FUCA2: variants seen among roughly 807,000 people sequenced by gnomAD.
FUCA2 encodes alpha-L-fucosidase 2, also known as plasma alpha-L-fucosidase.
FUCA2 carries 41 observed loss-of-function variants against 52.6 expected under a neutral mutation model. The observed-to-expected ratio is 0.78, with a 90% CI of 0.61 to 1.01. The LOEUF is 1.01. Ranked by LOEUF, FUCA2 falls within the 50% of genes least tolerant of loss-of-function variation. The probability of loss-of-function intolerance (pLI) is 0.00; values close to 1 mark genes in which losing one functional copy is unlikely to be tolerated. For missense variants in FUCA2, 507 were observed against 569.5 expected, an observed-to-expected ratio of 0.89 and a Z score of 1.12; for synonymous variants, 211 against 217.3, an observed-to-expected ratio of 0.97 and a Z score of 0.26.
Position 143,502,035 on chromosome 6 carries a change from C to T in FUCA2, c.1051G>A (p.Glu351Lys). Residue 351 changes from glutamate (E) to lysine (K), a missense_variant, in exon 5 of 7, where the codon GAG (glutamate) becomes AAG (lysine). Physicochemically the swap from Glu to Lys is moderately conservative, Grantham distance 56. Coordinates refer to ENST00000002165, the MANE Select transcript of FUCA2 (RefSeq NM_032020.5). This position sits in a 1 kb window ranked among gnomAD's most constrained non-coding sequence, Gnocchi z 4.1. ...LDGTISVVFE[E>K]RLRQMGSWLK... is the part of the protein sequence containing the mutation. ...CAGGACCCCATTTGCCTCAGTCGCT[C>T]CTCAAAAACTACAGAAATGGTGCCA... is the stretch of plus-strand genomic sequence containing the variant. The T allele has an allele frequency of 1.2e-6, 2 of 1,613,808 alleles. No homozygotes were observed. The highest frequency in any genetic ancestry group is 1.7e-6 in the Non-Finnish European group (2 of 1,179,944).
rs982393559 is a variant in FUCA2 at position 143,504,476 on chromosome 6, G to T, written c.413-224C>A. 10 of 528,350 alleles carry T rather than the reference G, an allele frequency of 1.9e-5. No homozygotes were observed. In the Admixed American group the frequency reaches 3.0e-4, roughly 16 times the overall value. The allele number at this position is 528,350 out of a possible 1,614,324, so 32.7% of individuals were successfully genotyped here. A position where few individuals can be genotyped will look rare whatever the true frequency, so the allele number is the denominator to read the frequency against. On this transcript the variant is annotated intron_variant, in intron 2 of 6. Transcript: ENST00000002165. This position sits in a 1 kb window ranked among gnomAD's most constrained non-coding sequence, Gnocchi z 4.4. ...CAGGTTTTTAAAAGCAACTTTCAGG[G>T]TATATCACTGTACGGTCTGATCTAT...
chr6:143,496,496 A>T (rs1780461989), intron 6 of FUCA2: 1 of 152,150 alleles, frequency 6.6e-6, no homozygotes, highest in Non-Finnish European at 1.5e-5. Flanking sequence ...TTAGATTTGA[A>T]CTCATCTTCT....
Position 143,501,776 on chromosome 6 carries a change from CCTTCT to C in FUCA2, c.1154+151_1154+155del, listed in dbSNP as rs1212041924. Among the ~76,000 whole-genome samples, 2 of 152,154 alleles carry C rather than the reference CCTTCT, an allele frequency of 1.3e-5. No homozygotes were observed. The highest frequency in any genetic ancestry group is 3.8e-4 in the East Asian group (2 of 5,200). On this transcript the variant is annotated intron_variant, in intron 5 of 6. Transcript: ENST00000002165. This position sits in a 1 kb window ranked among gnomAD's most constrained non-coding sequence, Gnocchi z 6.1. ...TGTTTCAAAACATGCAAATTCTTCC[CCTTCT>C]CTTTATATTAGAGTAAGCAAAGTTT...
At position 143,504,239 on chromosome 6, in the gene FUCA2, C is replaced by A. The variant is rs114507489; in HGVS notation, c.426G>T (p.Trp142Cys). ...TCCAGTTCCACGAATATTCTGACCC[C>A]CACAAGGTAAAGCCTAGAAAATTAT... ...TSKHHEGFTL[W>C]GSEYSWNWNA... The change falls in exon 3 of 7, where the codon TGG (tryptophan) becomes TGT (cysteine). Residue 142 changes from tryptophan to cysteine, a missense_variant. By Grantham distance (215) the Trp-to-Cys change is radical (BLOSUM62 -2). Coordinates refer to ENST00000002165, the MANE Select transcript of FUCA2 (RefSeq NM_032020.5). The surrounding 1 kb of genome is among the most constrained non-coding windows in gnomAD (Gnocchi z 4.4). 1.1e-4 allele frequency: 170 copies of A among 1,612,360 alleles called. No individual in the cohort carries two copies. The highest frequency in any genetic ancestry group is 8.9e-5 in the Non-Finnish European group (105 of 1,179,188).
chr6:143,507,214 T>C lies in FUCA2; in HGVS notation c.412+23A>G. On this transcript the variant is annotated intron_variant, in intron 2 of 6. Transcript: ENST00000002165. This position sits in a 1 kb window ranked among gnomAD's most constrained non-coding sequence, Gnocchi z 4.5. ...TCATTTCTTAACCATTGTCAGCAAT[T>C]TCCATAGGCTGGATTGACTTACCTT... is the stretch of plus-strand genomic sequence containing the variant. 6.4e-7 allele frequency: 1 copy of C among 1,550,694 alleles called. No individual in the cohort carries two copies. Among genetic ancestry groups the C allele is most frequent in the Admixed American group, 2.4e-5 (1 of 42,420 alleles).
rs1780535089 is a variant in FUCA2, at chr6:143,502,100, C to T, written c.986G>A (p.Cys329Tyr). 6.2e-6 allele frequency: 10 copies of T among 1,609,274 alleles called. No homozygotes were observed. In the East Asian group the frequency reaches 1.1e-4, roughly 18 times the overall value. Residue 329 changes from cysteine (C) to tyrosine (Y), a missense_variant, in exon 5 of 7, where the codon TGT becomes TAT. Physicochemically the swap from Cys to Tyr is radical, Grantham distance 194. Coordinates refer to ENST00000002165, the MANE Select transcript of FUCA2 (RefSeq NM_032020.5). This position sits in a 1 kb window ranked among gnomAD's most constrained non-coding sequence, Gnocchi z 4.1. ...LVKQLVETVS[C>Y]GGNLLMNIGP... ...AATATTCATCAAAAGATTTCCTCCA[C>T]ATGAAACTGTCTCTACAAGTTGCTA...
At chr6:143,498,593 G>T (rs973918557) in intron 5 of FUCA2, among the ~76,000 whole-genome samples, 1 of 152,156 alleles carries the variant, frequency 6.6e-6, no homozygotes, top group African/African-American at 2.4e-5. Flanking sequence ...GCACTAGCAA[G>T]GCAGAGTGCC....
chr6:143,504,194 G>A lies in FUCA2; in HGVS notation c.471C>T (p.Pro157=), dbSNP rs1482571311. Residue 157 remains proline (P), a synonymous_variant, in exon 3 of 7, where the codon CCC becomes CCT. Coordinates refer to ENST00000002165, the MANE Select transcript of FUCA2 (RefSeq NM_032020.5). The surrounding 1 kb of genome is among the most constrained non-coding windows in gnomAD (Gnocchi z 4.4). ...SWNWNAIDEG[P]KRDIVKELEV... ...CAAGTTCCTTGACAATGTCCCTCTT[G>A]GGCCCCTCATCTATGGCATTCCAGT... 1.2e-6 allele frequency: 2 copies of A among 1,613,992 alleles called. No individual in the cohort carries two copies. The highest frequency in any genetic ancestry group is 1.7e-6 in the Non-Finnish European group (2 of 1,180,022).
At position 143,511,512 on chromosome 6, in the gene FUCA2, C is replaced by A; in HGVS notation, c.123G>T (p.Leu41=). 6.3e-7 allele frequency: 1 copy of A among 1,593,980 alleles called. No individual in the cohort carries two copies. Among genetic ancestry groups the A allele is most frequent in the South Asian group, 1.1e-5 (1 of 88,256 alleles). Residue 41 remains leucine, a synonymous_variant, in exon 1 of 7, where the codon CTG becomes CTT. Transcript: ENST00000002165. The surrounding 1 kb of genome is among the most constrained non-coding windows in gnomAD (Gnocchi z 6.3). ...ACCACGCGGGCAGCTGGCGGGCGTC[C>A]AGGGACTCCCAGGTGGGGTCGAAGC... ...ATRFDPTWES[L]DARQLPAWFD...
rs1039227475 is a variant in FUCA2, at chr6:143,501,264, T to C, written c.1154+668A>G. Among the ~76,000 whole-genome samples the C allele has an allele frequency of 2.6e-5, 4 of 152,234 alleles. No individual in the cohort carries two copies. Among genetic ancestry groups the C allele is most frequent in the Admixed American group, 2.6e-4 (4 of 15,286 alleles). On this transcript the variant is annotated intron_variant, in intron 5 of 6. Transcript: ENST00000002165. The surrounding 1 kb of genome is among the most constrained non-coding windows in gnomAD (Gnocchi z 6.1). ...TTAATGTTTTAAGTCATAAGTCAAG[T>C]AGATTGAAGAACAATTAGTCTAATC...
Position 143,499,842 on chromosome 6 carries a change from A to G in FUCA2, c.1154+2090T>C, listed in dbSNP as rs551056626. Among the ~76,000 whole-genome samples, 9 of 148,376 alleles carry G rather than the reference A, an allele frequency of 6.1e-5. No individual in the cohort carries two copies. In the East Asian group the frequency reaches 1.2e-3, roughly 19 times the overall value. The stretch of plus-strand genomic sequence containing the variant: ...GAGAAAAACTGTAGCAAGGAATTAG[A>G]GATAGCAAGTGAAAACAATCCTTTC... On this transcript the variant is annotated intron_variant, in intron 5 of 6. Transcript: ENST00000002165. This position sits in a 1 kb window ranked among gnomAD's most constrained non-coding sequence, Gnocchi z 6.0.
rs769474240 is a variant in FUCA2, at chr6:143,502,380, T to G, written c.938A>C (p.Tyr313Ser). 6.2e-7 allele frequency: 1 copy of G among 1,613,984 alleles called. No individual in the cohort carries two copies. Among genetic ancestry groups the G allele is most frequent in the East Asian group, 2.2e-5 (1 of 44,882 alleles). The change falls in exon 4 of 7, where the codon TAT becomes TCT. Residue 313 changes from tyrosine (Y) to serine (S), a missense_variant. Physicochemically the swap from Tyr to Ser is moderately radical, Grantham distance 144. Transcript: ENST00000002165. The surrounding 1 kb of genome is among the most constrained non-coding windows in gnomAD (Gnocchi z 4.1). ...GYRREAGISD[Y>S]LTIEELVKQL... ...CTTCACCAATTCTTCAATTGTAAGA[T>G]AGTCAGAGATTCCAGCTTCCCTCCT...
In FUCA2 at chr6:143,503,952, C is replaced by T. The variant is rs1780564592; in HGVS notation, c.713G>A (p.Trp238Ter). 6.2e-7 allele frequency: 1 copy of T among 1,613,954 alleles called. No individual in the cohort carries two copies. Among genetic ancestry groups the T allele is most frequent in the Non-Finnish European group, 8.5e-7 (1 of 1,180,002 alleles). The change falls in exon 3 of 7, where the codon TGG (tryptophan) becomes TAG (stop). Residue 238 changes from tryptophan to a stop codon, truncating the protein, a stop_gained. Coordinates refer to ENST00000002165, the MANE Select transcript of FUCA2 (RefSeq NM_032020.5). LOFTEE classifies it high-confidence loss of function. This position sits in a 1 kb window ranked among gnomAD's most constrained non-coding sequence, Gnocchi z 4.8. ...CCAGGCCAAGAAGCCTGTGCTGTTC[C>T]AGTATTGATCCGGTGCTCCTCCGTC... is the stretch of plus-strand genomic sequence containing the variant. ...DGDGGAPDQY[W>*]NSTGFLAWLY...
In FUCA2 at chr6:143,504,507, G is replaced by A. The variant is rs983832305; in HGVS notation, c.413-255C>T. On this transcript the variant is annotated intron_variant, in intron 2 of 6. Transcript: ENST00000002165. This position sits in a 1 kb window ranked among gnomAD's most constrained non-coding sequence, Gnocchi z 4.4. ...CACTGTACGGTCTGATCTATCTCCA[G>A]TATTTTCCCTCTTAGATTTTAAGGT... 4 of 414,226 alleles carry A rather than the reference G, an allele frequency of 9.7e-6. No homozygotes were observed. The highest frequency in any genetic ancestry group is 4.0e-5 in the African/African-American group (2 of 49,562). 25.7% of individuals were successfully genotyped at this position (414,226 alleles called of 1,614,324 possible).
chr6:143,510,804 A>T lies in FUCA2; in HGVS notation c.224+607T>A, dbSNP rs546251344. Among the ~76,000 whole-genome samples the T allele has an allele frequency of 3.3e-5, 5 of 152,172 alleles. No homozygotes were observed. Among genetic ancestry groups the T allele is most frequent in the Non-Finnish European group, 7.3e-5 (5 of 68,038 alleles). ...CACATAGATCTCAAGGTAAAATCTA[A>T]CGCACAGATTTTTGTGTAGCACCTT... On this transcript the variant is annotated intron_variant, in intron 1 of 6. Transcript: ENST00000002165. The surrounding 1 kb of genome is among the most constrained non-coding windows in gnomAD (Gnocchi z 4.4).
chr6:143,497,857 A>T lies in FUCA2; in HGVS notation c.1155-360T>A, dbSNP rs1264620038. On this transcript the variant is annotated intron_variant, in intron 5 of 6. Transcript: ENST00000002165. The surrounding 1 kb of genome is among the most constrained non-coding windows in gnomAD (Gnocchi z 5.3). ...ATTCATTCATTCAACAAGACAAGAT[A>T]TGCATGTGTCAATTCTGTGCCTAGT... 6.6e-6 allele frequency among the ~76,000 whole-genome samples: 1 copy of T among 152,210 alleles called. No individual in the cohort carries two copies. Among genetic ancestry groups the T allele is most frequent in the Admixed American group, 6.5e-5 (1 of 15,282 alleles).
chr6:143,500,429 AAAAG>A lies in FUCA2; in HGVS notation c.1154+1499_1154+1502del, dbSNP rs1392675672. Reference sequence around the variant, plus strand: ...AATGCAAAGTCTAAAGTATGTTTATAAAAGAAAGGGAAGTTAAGGACACCAAGGT... The same window carrying A: ...AATGCAAAGTCTAAAGTATGTTTATAAAAGGGAAGTTAAGGACACCAAGGT... On this transcript the variant is annotated intron_variant, in intron 5 of 6. Transcript: ENST00000002165. The surrounding 1 kb of genome is among the most constrained non-coding windows in gnomAD (Gnocchi z 6.9). Among the ~76,000 whole-genome samples, 1 of 152,194 alleles carries A rather than the reference AAAAG, an allele frequency of 6.6e-6. No homozygotes were observed. Among genetic ancestry groups the A allele is most frequent in the African/African-American group, 2.4e-5 (1 of 41,450 alleles).
Position 143,499,258 on chromosome 6 carries a change from A to G in FUCA2, c.1155-1761T>C, listed in dbSNP as rs1456221745. Among the ~76,000 whole-genome samples, 1 of 152,210 alleles carries G rather than the reference A, an allele frequency of 6.6e-6. No individual in the cohort carries two copies. The highest frequency in any genetic ancestry group is 2.4e-5 in the African/African-American group (1 of 41,462). On this transcript the variant is annotated intron_variant, in intron 5 of 6. Coordinates refer to ENST00000002165, the MANE Select transcript of FUCA2 (RefSeq NM_032020.5). The surrounding 1 kb of genome is among the most constrained non-coding windows in gnomAD (Gnocchi z 6.0). ...TAAAGCCATGAAAATGGATAAGATC[A>G]CCTGGGACATTAAGATAAACGCAGT...
chr6:143,508,109 T>C (rs1355246749), intron 1 of FUCA2, among the ~76,000 whole-genome samples: 1 of 152,222 alleles, frequency 6.6e-6, no homozygotes, highest in Non-Finnish European at 1.5e-5. Context: ...TTATATTCAG[T>C]AGTAGAGAAC....
Sources: gnomAD v4.1 joint callset for allele counts (sites outside exome capture counted in the v4.1 genomes callset) on GRCh38, gnomAD v4.1.1 for gene constraint, Gnocchi (gnomAD v3.1) non-coding constraint, MANE v1.5 for transcripts, NCBI Gene and HGNC (gene_info 2026-07-23, HGNC 2026-07-21) for gene names.